SGCD: variants seen among roughly 807,000 people sequenced by gnomAD.
The protein encoded by SGCD is delta-sarcoglycan.
A neutral mutation model predicts 36.6 loss-of-function variants in SGCD; 18 were observed. The observed-to-expected ratio is 0.49, with a 90% CI of 0.34 to 0.73. SGCD has a LOEUF of 0.73. Among genes scored for constraint, SGCD ranks in the 30% least tolerant of loss-of-function variants. SGCD has a pLI of 0.01. For synonymous variants in SGCD, 133 were observed against 130.6 expected, an observed-to-expected ratio of 1.02 and a Z score of -0.12; for missense variants, 387 against 346.7, an observed-to-expected ratio of 1.12 and a Z score of -0.92.
At chr5:156,051,944 G>C (rs77136191) in intron 1 of SGCD, among the ~76,000 whole-genome samples, 18,698 of 145,620 alleles carry the variant, frequency 0.13, 4,162 homozygotes, top group African/African-American at 0.39. Context: ...ATGATGTTGT[G>C]TCAGGCCTTT....
At chr5:155,730,779 A>G in the SGCD span, among the ~76,000 whole-genome samples, 10 of 152,342 alleles carry the variant, frequency 6.6e-5, no homozygotes, top group Middle Eastern at 3.4e-3. Flanking sequence ...TGGAGACCAC[A>G]GCTGTTTAGC....
upstream of SGCD, among the ~76,000 whole-genome samples, chr5:156,323,043 G>A (rs925853060): frequency 5.9e-5 from 9 of 152,140 alleles, no homozygotes; most frequent in Non-Finnish European, 1.3e-4. Flanking sequence ...CAGCTTAAAA[G>A]CTACCCCAGG....
intron 4 of SGCD, among the ~76,000 whole-genome samples, chr5:156,530,457 G>T (rs1757840311): frequency 6.6e-6 from 1 of 152,020 alleles, no homozygotes; most frequent in African/African-American, 2.4e-5. Context: ...ACAAGCCAAA[G>T]TCTTTCACTT....
intron 3 of SGCD, among the ~76,000 whole-genome samples, chr5:156,318,834 G>T (rs1257562550): frequency 1.3e-5 from 2 of 152,128 alleles, no homozygotes; most frequent in East Asian, 3.9e-4. Flanking sequence ...GACCTCAGGT[G>T]ATCCGCCTGC....
the SGCD span, among the ~76,000 whole-genome samples, chr5:155,826,057 CTT>C: frequency 1.3e-5 from 2 of 152,198 alleles, no homozygotes; most frequent in Non-Finnish European, 2.9e-5. Context: ...GCCTAGTTGA[CTT>C]TAAATAACAC....
the SGCD span, among the ~76,000 whole-genome samples, chr5:155,751,287 A>G: frequency 6.6e-6 from 1 of 152,238 alleles, no homozygotes; most frequent in Admixed American, 6.5e-5. Context: ...GGATATGGAT[A>G]TGCATGTTTT....
In SGCD at chr5:156,251,686, T is replaced by C. The variant is rs562646021; in HGVS notation, c.-43-77848T>C. 1.6e-4 allele frequency among the ~76,000 whole-genome samples: 24 copies of C among 152,058 alleles called. No individual in the cohort carries two copies. In the East Asian group the frequency reaches 4.3e-3, roughly 27 times the overall value. Reference sequence around the variant, plus strand: ...CCCGCCACCACACCCAGCTAATTTTTTGTATTTTTAGTAGAGACTGGGTTT... The same window carrying C: ...CCCGCCACCACACCCAGCTAATTTTCTGTATTTTTAGTAGAGACTGGGTTT... On this transcript the variant is annotated intron_variant, in intron 3 of 9. Coordinates refer to the SGCD transcript ENST00000517913.
chr5:155,989,576 G>A (rs1186407013), intron 1 of SGCD, among the ~76,000 whole-genome samples: 2 of 152,050 alleles, frequency 1.3e-5, no homozygotes, highest in Non-Finnish European at 2.9e-5. Context: ...GGATTTGAGT[G>A]CTACCAAGTG....
At chr5:156,218,955 A>G (rs1049977850) in intron 3 of SGCD, among the ~76,000 whole-genome samples, 1 of 152,068 alleles carries the variant, frequency 6.6e-6, no homozygotes, top group Non-Finnish European at 1.5e-5. Flanking sequence ...CTATCCAGTC[A>G]TTTTTTTACT....
At chr5:156,544,115 A>G (rs1267740136) in intron 4 of SGCD, among the ~76,000 whole-genome samples, 17 of 152,356 alleles carry the variant, frequency 1.1e-4, no homozygotes. Context: ...TCGGATACCC[A>G]GTGTGAGCAA....
chr5:156,276,221 C>T (rs1019406925), intron 3 of SGCD, among the ~76,000 whole-genome samples: 3 of 152,134 alleles, frequency 2.0e-5, no homozygotes, highest in Admixed American at 2.0e-4. Context: ...CAGAGGGAGG[C>T]TCCATAGCTG....
chr5:156,078,200 G>A (rs922201747), intron 1 of SGCD, among the ~76,000 whole-genome samples: 10 of 151,968 alleles, frequency 6.6e-5, no homozygotes, highest in African/African-American at 2.4e-4. Flanking sequence ...AGATAATTGT[G>A]AATTCCCATG....
At chr5:156,742,856 C>T (rs1490077864) in intron 7 of SGCD, among the ~76,000 whole-genome samples, 2 of 152,102 alleles carry the variant, frequency 1.3e-5, no homozygotes, top group Non-Finnish European at 2.9e-5. Context: ...TACAGGTTAT[C>T]AATAGATTAG....
chr5:156,163,505 C>T (rs571497926), intron 3 of SGCD, among the ~76,000 whole-genome samples: 1 of 151,770 alleles, frequency 6.6e-6, no homozygotes, highest in African/African-American at 2.4e-5. Flanking sequence ...ACTGTGCTTT[C>T]TCCACCTAGT....
intron 4 of SGCD, among the ~76,000 whole-genome samples, chr5:156,509,671 C>G (rs898929665): frequency 6.6e-6 from 1 of 152,150 alleles, no homozygotes; most frequent in African/African-American, 2.4e-5. Context: ...AGATTTCAAG[C>G]CTTCTCTGTT....
At chr5:156,581,821 A>G (rs2113339704) in intron 4 of SGCD, among the ~76,000 whole-genome samples, 1 of 152,330 alleles carries the variant, frequency 6.6e-6, no homozygotes, top group South Asian at 2.1e-4. Context: ...TCCAGGTACC[A>G]TCTGAAATGG....
rs547384372 is a variant in SGCD, at chr5:156,412,875, A to C, written c.192+68198A>C. The stretch of plus-strand genomic sequence containing the variant: ...CAGTGGCGCAATCTCGGCTCACTGC[A>C]AGCTCTGCTTCCCGGGTTCACGCCA... On this transcript the variant is annotated intron_variant, in intron 3 of 8. Transcript: ENST00000337851. 1.6e-4 allele frequency among the ~76,000 whole-genome samples: 24 copies of C among 149,620 alleles called. 1 individual carries two copies. The highest frequency in any genetic ancestry group is 5.4e-4 in the African/African-American group (22 of 40,592).
At chr5:156,653,282 T>C (rs992446218) in intron 7 of SGCD, among the ~76,000 whole-genome samples, 1 of 72,342 alleles carries the variant, frequency 1.4e-5, no homozygotes, top group African/African-American at 4.4e-5. Context: ...TTGATATTCA[T>C]TCTTTTCGGG....
chr5:156,681,124 G>A (rs1239237196), intron 7 of SGCD, among the ~76,000 whole-genome samples: 1 of 152,206 alleles, frequency 6.6e-6, no homozygotes, highest in Non-Finnish European at 1.5e-5. Context: ...GGGGATCAGG[G>A]TGGCAGCCAC....
Sources: allele counts gnomAD v4.1 joint callset (sites outside exome capture counted in the v4.1 genomes callset), GRCh38; gene constraint gnomAD v4.1.1; transcripts MANE v1.5; gene names NCBI Gene and HGNC (gene_info 2026-07-23, HGNC 2026-07-21).